ARHGAP15: variants seen among roughly 807,000 people sequenced by gnomAD.
The protein encoded by ARHGAP15 is Rho GTPase activating protein 15.
Under a neutral mutation model 63.7 loss-of-function variants are expected in ARHGAP15, and 51 were observed. The ratio of observed to expected loss-of-function variants is 0.80; its 90% CI spans 0.64 to 1.01. ARHGAP15 has a LOEUF of 1.01. Ranked by LOEUF, ARHGAP15 falls within the 50% of genes least tolerant of loss-of-function variation. The pLI, the probability that ARHGAP15 is intolerant of heterozygous loss-of-function variation, is 0.00. For synonymous variants in ARHGAP15, 191 were observed against 193.8 expected, an observed-to-expected ratio of 0.99 and a Z score of 0.12; for missense variants, 560 against 564.6, an observed-to-expected ratio of 0.99 and a Z score of 0.08.
intron 6 of ARHGAP15, among the ~76,000 whole-genome samples, chr2:143,386,128 C>T (rs771180460): frequency 9.9e-5 from 15 of 152,060 alleles, no homozygotes; most frequent in Non-Finnish European, 1.5e-4. Flanking sequence ...AGGGAGGAAA[C>T]GCAGATGAAT....
At chr2:143,328,139 TTGG>T (rs1465738337) in intron 6 of ARHGAP15, among the ~76,000 whole-genome samples, 1 of 152,168 alleles carries the variant, frequency 6.6e-6, no homozygotes, top group Admixed American at 6.5e-5. Context: ...TTTTACACTA[TTGG>T]TGGGAGTGTA....
intron 2 of ARHGAP15, among the ~76,000 whole-genome samples, chr2:143,196,398 AC>A (rs1691888379): frequency 6.6e-6 from 1 of 152,104 alleles, no homozygotes; most frequent in South Asian, 2.1e-4. Context: ...AAGATTGCCC[AC>A]ACGCAGTAAA....
intron 5 of ARHGAP15, among the ~76,000 whole-genome samples, chr2:143,243,089 G>C (rs951583163): frequency 6.6e-6 from 1 of 152,104 alleles, no homozygotes; most frequent in East Asian, 1.9e-4. Context: ...ATGATTTGTG[G>C]CCTGCGTATA....
chr2:143,278,292 A>G (rs1248933501), intron 6 of ARHGAP15, among the ~76,000 whole-genome samples: 1 of 152,162 alleles, frequency 6.6e-6, no homozygotes, highest in Non-Finnish European at 1.5e-5. Flanking sequence ...TACCTCTTGA[A>G]GATCAAAAAA....
intron 6 of ARHGAP15, among the ~76,000 whole-genome samples, chr2:143,423,632 G>A (rs777150542): frequency 1.6e-4 from 24 of 152,234 alleles, no homozygotes; most frequent in East Asian, 5.8e-4. Context: ...AGGACTTTCC[G>A]GAATAGGCAG....
At position 143,485,705 on chromosome 2, in the gene ARHGAP15, T is replaced by C. The variant is rs1692292966; in HGVS notation, c.704-1668T>C. 2.0e-5 allele frequency among the ~76,000 whole-genome samples: 3 copies of C among 152,098 alleles called. No homozygotes were observed. The South Asian group carries it at 6.2e-4, about 32-fold the overall frequency. ...GGGCGTGCTGCTGGCATATTGTGGG[T>C]ACACACCACGGATGCTGTTCCATAT... On this transcript the variant is annotated intron_variant, in intron 8 of 13. Coordinates refer to ENST00000295095, the MANE Select transcript of ARHGAP15 (RefSeq NM_018460.4).
intron 6 of ARHGAP15, among the ~76,000 whole-genome samples, chr2:143,309,817 T>G (rs1683352948): frequency 6.6e-6 from 1 of 151,844 alleles, no homozygotes; most frequent in South Asian, 2.1e-4. Context: ...CAACCAAAAA[T>G]ATCTCCAAAC....
At chr2:143,470,601 GTGTGTATATA>G in intron 8 of ARHGAP15, among the ~76,000 whole-genome samples, 1 of 150,152 alleles carries the variant, frequency 6.7e-6, no homozygotes, top group Non-Finnish European at 1.5e-5. Context: ...ATATGCATGT[GTGTGTATATA>G]TGTGTATATA....
intron 11 of ARHGAP15, among the ~76,000 whole-genome samples, chr2:143,593,461 A>C (rs1380319171): frequency 1.3e-5 from 2 of 152,204 alleles, no homozygotes; most frequent in Non-Finnish European, 2.9e-5. Context: ...GGGAATTATA[A>C]ATTTTATTTT....
At chr2:143,507,757 T>G (rs760851089) in intron 9 of ARHGAP15, among the ~76,000 whole-genome samples, 37 of 152,186 alleles carry the variant, frequency 2.4e-4, no homozygotes, top group Non-Finnish European at 4.7e-4. Context: ...GTCCTCTATC[T>G]CAGGAAATAT....
At chr2:143,341,880 A>G (rs1685072847) in intron 6 of ARHGAP15, among the ~76,000 whole-genome samples, 1 of 152,170 alleles carries the variant, frequency 6.6e-6, no homozygotes, top group African/African-American at 2.4e-5. Context: ...AACTCTCAGC[A>G]ATTCTGCTGC....
At chr2:143,228,499 T>G in intron 4 of ARHGAP15, 82 bp from the exon 5 acceptor site, 1 of 875,972 alleles carries the variant, frequency 1.1e-6, no homozygotes, top group Non-Finnish European at 1.8e-6. Flanking sequence ...CTCTACTCAT[T>G]CCAAATGTTG....
At chr2:143,139,570 T>G (rs1012885442) in intron 1 of ARHGAP15, among the ~76,000 whole-genome samples, 1 of 152,142 alleles carries the variant, frequency 6.6e-6, no homozygotes, top group African/African-American at 2.4e-5. Context: ...TATATTCTAT[T>G]TAGAATTTTA....
rs1680993162 is a variant in ARHGAP15 at position 143,266,323 on chromosome 2, A to G, written c.474+15723A>G. Among the ~76,000 whole-genome samples, 3 of 152,266 alleles carry G rather than the reference A, an allele frequency of 2.0e-5. No individual in the cohort carries two copies. The South Asian group carries it at 6.2e-4, about 32-fold the overall frequency. On this transcript the variant is annotated intron_variant, in intron 6 of 13. Transcript: ENST00000295095. ...TTTTCAATATAATACAAATCAAACT[A>G]TGGTGAAAATTTCAGTGATAGGAGA...
At chr2:143,449,965 C>T (rs1389007661) in intron 8 of ARHGAP15, among the ~76,000 whole-genome samples, 1 of 151,732 alleles carries the variant, frequency 6.6e-6, no homozygotes. Context: ...GAAAGAGATG[C>T]CTTAAAATTT....
chr2:143,162,706 T>C (rs1480781876), intron 2 of ARHGAP15, among the ~76,000 whole-genome samples: 1 of 152,066 alleles, frequency 6.6e-6, no homozygotes, highest in Non-Finnish European at 1.5e-5. Flanking sequence ...TCTTATTTAA[T>C]TCTTATAATA....
chr2:143,753,132 A>G (rs1407470052), intron 13 of ARHGAP15, among the ~76,000 whole-genome samples: 2 of 152,168 alleles, frequency 1.3e-5, no homozygotes, highest in Non-Finnish European at 2.9e-5. Context: ...GCGACAGAAT[A>G]AGCTCGTCTC....
At chr2:143,466,752 ACT>A (rs1473181068) in intron 8 of ARHGAP15, among the ~76,000 whole-genome samples, 2 of 151,776 alleles carry the variant, frequency 1.3e-5, no homozygotes, top group African/African-American at 4.8e-5. Context: ...TCTTTGTAAA[ACT>A]CTTATTCTGT....
intron 8 of ARHGAP15, chr2:143,472,132 C>A (rs993093418): frequency 2.0e-5 from 3 of 152,134 alleles, no homozygotes; most frequent in African/African-American, 7.2e-5. Context: ...ATGGGATATA[C>A]ATCTGATGCA....
Sources: gnomAD v4.1 joint callset for allele counts (sites outside exome capture counted in the v4.1 genomes callset) on GRCh38, gnomAD v4.1.1 for gene constraint, MANE v1.5 for transcripts, NCBI Gene and HGNC (gene_info 2026-07-23, HGNC 2026-07-21) for gene names.